NMNAT2: variants seen among roughly 807,000 people sequenced by gnomAD.
NMNAT2 encodes nicotinamide/nicotinic acid mononucleotide adenylyltransferase 2.
NMNAT2 carries 11 observed loss-of-function variants against 41.6 expected under a neutral mutation model. The ratio of observed to expected loss-of-function variants is 0.26; its 90% CI spans 0.17 to 0.44. The LOEUF (loss-of-function observed/expected upper bound fraction) is 0.44, where lower values mean the gene tolerates loss of function less well. Ranked by LOEUF, NMNAT2 falls within the 20% of genes least tolerant of loss-of-function variation. NMNAT2 has a pLI of 1.00. For missense variants in NMNAT2, 288 were observed against 407.7 expected (o/e 0.71, Z 2.53); for synonymous variants, 148 against 151.2 (o/e 0.98, Z 0.16).
At chr1:183,402,310 T>A (rs1571641065) in intron 1 of NMNAT2, among the ~76,000 whole-genome samples, 1 of 152,218 alleles carries the variant, frequency 6.6e-6, no homozygotes. Flanking sequence ...AAAGACCCTA[T>A]GACTGTTACA....
intron 8 of NMNAT2, among the ~76,000 whole-genome samples, chr1:183,265,258 CTTTTTTTTTTTTT>C (rs67117635): frequency 7.7e-5 from 5 of 64,526 alleles, no homozygotes; most frequent in African/African-American, 2.6e-4. Flanking sequence ...TCTTCTTCTT[CTTTTTTTTTTTTT>C]TTTTTTTTTT....
chr1:183,342,550 C>T (rs550814912), intron 1 of NMNAT2, among the ~76,000 whole-genome samples: 1 of 152,216 alleles, frequency 6.6e-6, no homozygotes, highest in Admixed American at 6.5e-5. Context: ...TTGTCCTCCA[C>T]TCTCCACTTA....
intron 1 of NMNAT2, among the ~76,000 whole-genome samples, chr1:183,406,561 C>T (rs1648959882): frequency 6.6e-6 from 1 of 152,156 alleles, no homozygotes; most frequent in South Asian, 2.1e-4. Flanking sequence ...TGGACAGAAA[C>T]TTGTAAAGAT....
intron 1 of NMNAT2, among the ~76,000 whole-genome samples, chr1:183,341,725 C>CAAAAAAAAAAACAAAAAAAAAAAAA (rs1662811194): frequency 4.1e-4 from 9 of 22,210 alleles, no homozygotes; most frequent in African/African-American, 1.4e-3. Flanking sequence ...AAACAAACAC[C>CAAAAAAAAAAACAAAAAAAAAAAAA]AAAAAAAAAA....
chr1:183,375,435 C>T (rs761125461), intron 1 of NMNAT2, among the ~76,000 whole-genome samples: 92 of 152,192 alleles, frequency 6.0e-4, no homozygotes, highest in Non-Finnish European at 1.2e-3. Context: ...GCCTGACTTG[C>T]GCTTTCCCTC....
At chr1:183,362,361 TACA>T (rs1201595049) in intron 1 of NMNAT2, among the ~76,000 whole-genome samples, 1 of 152,224 alleles carries the variant, frequency 6.6e-6, no homozygotes, top group African/African-American at 2.4e-5. Flanking sequence ...TATCGAATTC[TACA>T]ACATTTTCAT....
intron 1 of NMNAT2, among the ~76,000 whole-genome samples, chr1:183,296,777 G>T (rs1245120686): frequency 6.6e-6 from 1 of 152,074 alleles, no homozygotes; most frequent in East Asian, 1.9e-4. Context: ...GCCTCCCAAA[G>T]TGCTGGGATT....
chr1:183,360,228 T>A (rs190402888), intron 1 of NMNAT2, among the ~76,000 whole-genome samples: 2 of 151,988 alleles, frequency 1.3e-5, no homozygotes, highest in South Asian at 4.1e-4. Flanking sequence ...ACAGAGGAAA[T>A]ATGAAGCCCA....
At chr1:183,400,896 C>T (rs1333009949) in intron 1 of NMNAT2, among the ~76,000 whole-genome samples, 1 of 152,164 alleles carries the variant, frequency 6.6e-6, no homozygotes, top group Admixed American at 6.5e-5. Flanking sequence ...TTCCTTACAC[C>T]TTATACAAAA....
At chr1:183,299,258 C>G (rs1456050009) in intron 1 of NMNAT2, among the ~76,000 whole-genome samples, 1 of 152,070 alleles carries the variant, frequency 6.6e-6, no homozygotes, top group Non-Finnish European at 1.5e-5. Flanking sequence ...CACTTGTAAT[C>G]CCAGCTACTT....
chr1:183,306,017 C>T lies in NMNAT2; in HGVS notation c.86-12224G>A, dbSNP rs182097328. Reference sequence around the variant, plus strand: ...GATTATAGGTGTGAGCCACCGCGCCCGGCCCTTTACAGCTTTCTTATTTGT... The same window carrying T: ...GATTATAGGTGTGAGCCACCGCGCCTGGCCCTTTACAGCTTTCTTATTTGT... On this transcript the variant is annotated intron_variant, in intron 1 of 10. Coordinates refer to ENST00000287713, the MANE Select transcript of NMNAT2 (RefSeq NM_015039.4). Among the ~76,000 whole-genome samples, 832 of 152,252 alleles carry T rather than the reference C, an allele frequency of 5.5e-3. 2 individuals carry two copies. The highest frequency in any genetic ancestry group is 9.2e-3 in the Admixed American group (140 of 15,290).
chr1:183,304,649 C>T (rs201889499), intron 1 of NMNAT2: 3 of 1,609,826 alleles, frequency 1.9e-6, no homozygotes, highest in Non-Finnish European at 1.7e-6. Flanking sequence ...ATGCCATGTG[C>T]CTCAGGCTGT....
intron 1 of NMNAT2, among the ~76,000 whole-genome samples, chr1:183,413,147 G>T (rs1280090711): frequency 1.3e-5 from 2 of 152,200 alleles, no homozygotes; most frequent in Admixed American, 6.5e-5. Context: ...TCATGATTAG[G>T]ATGATAATGG....
At chr1:183,357,730 T>C (rs1488956307) in intron 1 of NMNAT2, among the ~76,000 whole-genome samples, 1 of 152,236 alleles carries the variant, frequency 6.6e-6, no homozygotes, top group Non-Finnish European at 1.5e-5. Flanking sequence ...ATTGTGGTTT[T>C]GATTTGCATT....
intron 1 of NMNAT2, among the ~76,000 whole-genome samples, chr1:183,327,848 C>T (rs947748131): frequency 6.6e-6 from 1 of 152,076 alleles, no homozygotes; most frequent in Non-Finnish European, 1.5e-5. Flanking sequence ...CCCTGGGAAG[C>T]TACTGCTTTC....
chr1:183,412,656 G>T (rs1437496238), intron 1 of NMNAT2, among the ~76,000 whole-genome samples: 2 of 152,258 alleles, frequency 1.3e-5, no homozygotes, highest in Non-Finnish European at 2.9e-5. Flanking sequence ...TGTAGATGGA[G>T]AGAGGTTGTT....
At chr1:183,374,195 C>T (rs950173771) in intron 1 of NMNAT2, among the ~76,000 whole-genome samples, 1 of 152,178 alleles carries the variant, frequency 6.6e-6, no homozygotes, top group Non-Finnish European at 1.5e-5. Flanking sequence ...AACCAGTATA[C>T]CGTGGCACCA....
Position 183,276,763 on chromosome 1 carries a change from G to A in NMNAT2, c.651+1790C>T, listed in dbSNP as rs1484058046. Among the ~76,000 whole-genome samples the A allele has an allele frequency of 2.0e-5, 3 of 152,248 alleles. No individual in the cohort carries two copies. In the East Asian group the frequency reaches 5.8e-4, roughly 29 times the overall value. On this transcript the variant is annotated intron_variant, in intron 8 of 10. Transcript: ENST00000287713. ...CTTGAAAGAGCTTTGATGAGCTCTT[G>A]TACAGAACTTTGCCCGCATTACTTT... is the stretch of plus-strand genomic sequence containing the variant.
chr1:183,353,633 C>T (rs771200686), intron 1 of NMNAT2, among the ~76,000 whole-genome samples: 3 of 152,082 alleles, frequency 2.0e-5, no homozygotes, highest in Non-Finnish European at 2.9e-5. Flanking sequence ...GCCCAGGACC[C>T]AAATCATCAC....
Sources: allele counts gnomAD v4.1 joint callset (sites outside exome capture counted in the v4.1 genomes callset), GRCh38; gene constraint gnomAD v4.1.1; transcripts MANE v1.5; gene names NCBI Gene and HGNC (gene_info 2026-07-23, HGNC 2026-07-21).